The following LYPD6B variants were observed in gnomAD, a reference collection of about 807,000 sequenced individuals.
LYPD6B encodes the protein ly6/PLAUR domain-containing protein 6B.
LYPD6B carries 17 observed loss-of-function variants against 22.8 expected under a neutral mutation model. The observed-to-expected ratio is 0.75, with a 90% CI of 0.51 to 1.12. The LOEUF (loss-of-function observed/expected upper bound fraction) is 1.12, where lower values mean the gene tolerates loss of function less well. Among genes scored for constraint, LYPD6B ranks in the 50% most tolerant of loss-of-function variants. The probability of loss-of-function intolerance (pLI) is 0.00; values close to 1 mark genes in which losing one functional copy is unlikely to be tolerated. For missense variants in LYPD6B, 221 were observed against 258.3 expected, an observed-to-expected ratio of 0.86 and a Z score of 0.99; for synonymous variants, 106 against 91.6, an observed-to-expected ratio of 1.16 and a Z score of -0.90.
rs116185005 is a variant in LYPD6B, at chr2:149,081,833, G to A, written c.-67+43032G>A. ...TAAATAAATATCATATAGCCCTAGA[G>A]TATGTACTTTTTAGTGTCTGACTTC... is the stretch of plus-strand genomic sequence containing the variant. On this transcript the variant is annotated intron_variant, in intron 1 of 6. Transcript: ENST00000409642. Among the ~76,000 whole-genome samples the A allele has an allele frequency of 3.5e-3, 530 of 152,226 alleles. 4 individuals carry two copies. Among genetic ancestry groups the A allele is most frequent in the African/African-American group, 0.012 (493 of 41,548 alleles).
chr2:149,054,988 G>A (rs2105299442), intron 1 of LYPD6B, among the ~76,000 whole-genome samples: 1 of 152,092 alleles, frequency 6.6e-6, no homozygotes, highest in East Asian at 1.9e-4. Flanking sequence ...TTAATCCAAG[G>A]TCACATAGGT....
intron 3 of LYPD6B, among the ~76,000 whole-genome samples, chr2:149,175,634 C>T (rs1691237263): frequency 6.6e-6 from 1 of 151,788 alleles, no homozygotes; most frequent in African/African-American, 2.4e-5. Flanking sequence ...GCTTAAAACA[C>T]ATTTTGCAGA....
At chr2:149,207,967 CGT>C (rs1693605975) in intron 4 of LYPD6B, among the ~76,000 whole-genome samples, 2 of 152,172 alleles carry the variant, frequency 1.3e-5, no homozygotes, top group South Asian at 4.1e-4. Flanking sequence ...AGGGATGACA[CGT>C]GTGTTCCAAT....
intron 1 of LYPD6B, among the ~76,000 whole-genome samples, chr2:149,054,269 A>G (rs1220117267): frequency 6.6e-6 from 1 of 152,060 alleles, no homozygotes; most frequent in African/African-American, 2.4e-5. Flanking sequence ...TTTTTTGTCA[A>G]TCTTTTTGCC....
intron 1 of LYPD6B, among the ~76,000 whole-genome samples, chr2:149,071,875 G>A (rs1303960011): frequency 2.6e-5 from 4 of 152,116 alleles, no homozygotes; most frequent in African/African-American, 4.8e-5. Flanking sequence ...AAGAAAAAGG[G>A]CATAATGGCA....
At chr2:149,153,370 G>A (rs184084517) in intron 2 of LYPD6B, among the ~76,000 whole-genome samples, 24 of 152,278 alleles carry the variant, frequency 1.6e-4, no homozygotes, top group Non-Finnish European at 2.4e-4. Flanking sequence ...AATAGATTGG[G>A]TTTTATTTGG....
intron 1 of LYPD6B, among the ~76,000 whole-genome samples, chr2:149,053,737 G>A (rs1161203546): frequency 6.6e-6 from 1 of 152,102 alleles, no homozygotes; most frequent in African/African-American, 2.4e-5. Flanking sequence ...ATTGCTTCCT[G>A]TTCCCACCTC....
chr2:149,206,500 A>G (rs902690715), intron 4 of LYPD6B, among the ~76,000 whole-genome samples: 1 of 152,158 alleles, frequency 6.6e-6, no homozygotes, highest in Admixed American at 6.6e-5. Flanking sequence ...CTGATAGCTG[A>G]AAGACATGGC....
At chr2:149,193,239 G>A (rs1692606821) in intron 3 of LYPD6B, among the ~76,000 whole-genome samples, 1 of 152,014 alleles carries the variant, frequency 6.6e-6, no homozygotes, top group Non-Finnish European at 1.5e-5. Context: ...TAATAAAAAA[G>A]GAATAAAAAA....
chr2:149,103,673 C>T (rs2105499317), intron 1 of LYPD6B, among the ~76,000 whole-genome samples: 1 of 152,156 alleles, frequency 6.6e-6, no homozygotes. Context: ...TGCCCTGTTG[C>T]CCAGGCAGGG....
intron 1 of LYPD6B, among the ~76,000 whole-genome samples, chr2:149,065,427 T>G (rs1489138264): frequency 6.6e-6 from 1 of 152,212 alleles, no homozygotes; most frequent in Admixed American, 6.5e-5. Flanking sequence ...CACCAAGGGT[T>G]GATCAGAGAG....
At chr2:149,202,014 A>G (rs939915529) in intron 3 of LYPD6B, among the ~76,000 whole-genome samples, 4 of 152,214 alleles carry the variant, frequency 2.6e-5, no homozygotes, top group African/African-American at 9.6e-5. Flanking sequence ...TGGAAAAACC[A>G]GAAAGAAGCC....
chr2:149,136,423 T>A (rs1324907860), intron 2 of LYPD6B, among the ~76,000 whole-genome samples: 1 of 152,236 alleles, frequency 6.6e-6, no homozygotes, highest in Non-Finnish European at 1.5e-5. Context: ...ATCCAGAGAC[T>A]CCGAGTCTTC....
intron 2 of LYPD6B, among the ~76,000 whole-genome samples, chr2:149,142,636 A>G (rs1688762880): frequency 6.6e-6 from 1 of 152,094 alleles, no homozygotes; most frequent in Non-Finnish European, 1.5e-5. Context: ...CTCTCCCCCC[A>G]TAGACAACTT....
intron 2 of LYPD6B, among the ~76,000 whole-genome samples, chr2:149,136,656 T>C (rs941234542): frequency 1.2e-4 from 18 of 152,228 alleles, no homozygotes; most frequent in African/African-American, 3.9e-4. Flanking sequence ...GGTGTTGCAG[T>C]TAGTTTAGAA....
chr2:149,191,492 A>G (rs1423080560), intron 3 of LYPD6B, among the ~76,000 whole-genome samples: 1 of 152,134 alleles, frequency 6.6e-6, no homozygotes, highest in Non-Finnish European at 1.5e-5. Context: ...AAATTCTTAT[A>G]TGTATTTGAG....
At chr2:149,154,835 A>C (rs1689599211) in intron 2 of LYPD6B, among the ~76,000 whole-genome samples, 1 of 152,198 alleles carries the variant, frequency 6.6e-6, no homozygotes, top group Non-Finnish European at 1.5e-5. Context: ...GTCCAATGCT[A>C]TATGCTAGGG....
chr2:149,127,004 C>T (rs930426386), intron 1 of LYPD6B, among the ~76,000 whole-genome samples: 39 of 151,238 alleles, frequency 2.6e-4, no homozygotes, highest in African/African-American at 8.3e-4. Context: ...TGGTTTAATC[C>T]GTCCATTGAG....
In LYPD6B at chr2:149,151,428, C is replaced by G. The variant is rs570815519; in HGVS notation, c.6-9336C>G. On this transcript the variant is annotated intron_variant, in intron 2 of 6. Coordinates refer to ENST00000409642, the MANE Select transcript of LYPD6B (RefSeq NM_177964.5). ...TCCATTTTGCCTGATGCTTTCAAGT[C>G]CAGAGAACTCTCCAGTTAAATTTTT... Among the ~76,000 whole-genome samples, 15 of 152,238 alleles carry G rather than the reference C, an allele frequency of 9.9e-5. No individual in the cohort carries two copies. The South Asian group carries it at 3.1e-3, about 32-fold the overall frequency.
Sources: gnomAD v4.1 joint callset for allele counts (sites outside exome capture counted in the v4.1 genomes callset) on GRCh38, gnomAD v4.1.1 for gene constraint, MANE v1.5 for transcripts, NCBI Gene and HGNC (gene_info 2026-07-23, HGNC 2026-07-21) for gene names.